Variants in ICA1L observed in about 807,000 individuals in gnomAD.
ICA1L encodes the protein islet cell autoantigen 1-like protein.
A neutral mutation model predicts 61.3 loss-of-function variants in ICA1L; 50 were observed. That is an observed-to-expected ratio of 0.82 (90% CI 0.65 to 1.03). ICA1L has a LOEUF of 1.03. Among genes scored for constraint, ICA1L ranks in the 50% least tolerant of loss-of-function variants. The pLI is 0.00. For synonymous variants in ICA1L, 161 were observed against 191.3 expected, an observed-to-expected ratio of 0.84 and a Z score of 1.31; for missense variants, 508 against 556.7, an observed-to-expected ratio of 0.91 and a Z score of 0.88.
chr2:202,841,283 GC>G, intron 1 of ICA1L: 1 of 740,886 alleles, frequency 1.3e-6, no homozygotes, highest in Middle Eastern at 3.7e-4. Context: ...CTGGCATGTT[GC>G]CAAGCTCTGC....
At position 202,817,440 on chromosome 2, in the gene ICA1L, G is replaced by C; in HGVS notation, c.662C>G (p.Ser221Cys). The C allele has an allele frequency of 6.2e-7, 1 of 1,608,264 alleles. No homozygotes were observed. The highest frequency in any genetic ancestry group is 1.3e-5 in the African/African-American group (1 of 74,762). Reference sequence around the variant, plus strand: ...TACCTGGTAGGTAGTGAGCGAATGAGATAGCATATTGCAGCGACTAGCTCC... The same window carrying C: ...TACCTGGTAGGTAGTGAGCGAATGACATAGCATATTGCAGCGACTAGCTCC... ...LLGASRCNML[S>C]HSLTTYQRTL... The change falls in exon 6 of 13, where the codon TCT becomes TGT. Residue 221 changes from serine to cysteine, a missense_variant. Physicochemically the swap from Ser to Cys is moderately radical, Grantham distance 112. Coordinates refer to ENST00000358299, the MANE Select transcript of ICA1L (RefSeq NM_001288622.3).
chr2:202,862,665 C>T (rs940304657), intron 1 of ICA1L, among the ~76,000 whole-genome samples: 2 of 151,300 alleles, frequency 1.3e-5, no homozygotes, highest in Non-Finnish European at 2.9e-5. Context: ...GGTGAAACCC[C>T]GTCTCTACTA....
chr2:202,799,322 G>A (rs1693027116), intron 9 of ICA1L, among the ~76,000 whole-genome samples: 1 of 152,080 alleles, frequency 6.6e-6, no homozygotes, highest in Admixed American at 6.6e-5. Context: ...TCTGACTAGG[G>A]TAAGCTGATA....
At chr2:202,824,366 C>T (rs1035381955) in intron 3 of ICA1L, among the ~76,000 whole-genome samples, 1 of 151,872 alleles carries the variant, frequency 6.6e-6, no homozygotes, top group Non-Finnish European at 1.5e-5. Context: ...CGCCACTGCA[C>T]TCTAGCCTGG....
At chr2:202,855,576 C>T (rs920301275) in intron 1 of ICA1L, among the ~76,000 whole-genome samples, 1 of 152,114 alleles carries the variant, frequency 6.6e-6, no homozygotes, top group Non-Finnish European at 1.5e-5. Flanking sequence ...CCTCCCAAGG[C>T]TAAACCAGTA....
chr2:202,814,971 C>G (rs2105846413), intron 7 of ICA1L, among the ~76,000 whole-genome samples, 187 bp from the exon 8 acceptor site: 1 of 152,338 alleles, frequency 6.6e-6, no homozygotes, highest in South Asian at 2.1e-4. Context: ...ACACTTGTTT[C>G]TCCTGGCTGC....
chr2:202,841,900 C>G, intron 1 of ICA1L: 1 of 246,736 alleles, frequency 4.1e-6, no homozygotes, highest in Non-Finnish European at 8.0e-6. Context: ...TTCTTGTTGC[C>G]CAGACTGGAG....
intron 10 of ICA1L, among the ~76,000 whole-genome samples, chr2:202,789,457 A>G (rs1347875816): frequency 6.6e-6 from 1 of 152,220 alleles, no homozygotes; most frequent in African/African-American, 2.4e-5. Flanking sequence ...AGATCAAAAG[A>G]GCATAATCAA....
At chr2:202,779,813 T>G (rs560698586) in intron 12 of ICA1L, among the ~76,000 whole-genome samples, 165 bp from the exon 13 acceptor site, 123 of 151,672 alleles carry the variant, frequency 8.1e-4, no homozygotes, top group East Asian at 3.5e-3. Flanking sequence ...TTTTTTTTTT[T>G]TTTTGTTTTC....
At chr2:202,843,818 C>G (rs1035967220) in intron 1 of ICA1L, among the ~76,000 whole-genome samples, 1 of 152,242 alleles carries the variant, frequency 6.6e-6, no homozygotes. Context: ...CAGCCACACA[C>G]AGCAAGAGCT....
intron 1 of ICA1L, among the ~76,000 whole-genome samples, chr2:202,861,238 AT>A (rs1307593321): frequency 3.3e-5 from 5 of 151,768 alleles, no homozygotes; most frequent in East Asian, 1.9e-4. Context: ...AAATAAAAAA[AT>A]AATAAAAATA....
rs2105807041 is a variant in ICA1L at position 202,774,058 on chromosome 2, GTCA to G, written c.*5472_*5474del. The G allele has an allele frequency of 1.0e-6, 1 of 957,752 alleles. No individual in the cohort carries two copies. The highest frequency in any genetic ancestry group is 1.6e-6 in the Non-Finnish European group (1 of 623,730). The allele number at this position is 957,752 out of a possible 1,614,324, so 59.3% of individuals were successfully genotyped here. ...GCTCCACTTCTTGCTTCTTTGATGT[GTCA>G]TCCTAGCTGCCTAATATGATAATAT... is the stretch of plus-strand genomic sequence containing the variant. On this transcript the variant is annotated 3_prime_UTR_variant, in exon 13 of 13. Coordinates refer to ENST00000358299, the MANE Select transcript of ICA1L (RefSeq NM_001288622.3).
rs564449294 is a variant in ICA1L at position 202,811,786 on chromosome 2, T to G, written c.870A>C (p.Leu290=). 1.0e-5 allele frequency: 16 copies of G among 1,599,908 alleles called. No homozygotes were observed. In the East Asian group the frequency reaches 3.6e-4, roughly 36 times the overall value. ...AGCTTGCTTCCTCATCAGACAAAAC[T>G]AGCCTGAAGTAAAAACAAAAAAAAA... is the stretch of plus-strand genomic sequence containing the variant. ...GGFLTEQLNK[L]VLSDEEASFE... Residue 290 remains leucine (L), a synonymous_variant, in exon 9 of 13, where the codon CTA becomes CTC. Transcript: ENST00000358299.
chr2:202,865,533 A>C (rs1346376124), intron 1 of ICA1L, among the ~76,000 whole-genome samples: 2 of 152,098 alleles, frequency 1.3e-5, no homozygotes, highest in Non-Finnish European at 1.5e-5. Flanking sequence ...TTAACTGTGA[A>C]ATAGTGAATA....
chr2:202,815,876 T>A, intron 7 of ICA1L, 35 bp downstream of exon 7: 1 of 1,231,312 alleles, frequency 8.1e-7, no homozygotes, highest in Non-Finnish European at 1.1e-6. Flanking sequence ...TGAAGAGTAA[T>A]ACATCTAAAC....
chr2:202,862,058 C>T (rs1007710068), intron 1 of ICA1L, among the ~76,000 whole-genome samples: 1 of 147,800 alleles, frequency 6.8e-6, no homozygotes, highest in East Asian at 2.0e-4. Flanking sequence ...CTGGAAGATT[C>T]ACCGAAACAG....
chr2:202,840,617 G>A (rs1694300090), intron 1 of ICA1L: 2 of 576,422 alleles, frequency 3.5e-6, no homozygotes, highest in African/African-American at 1.9e-5. Context: ...CCTGTAGATG[G>A]TGATCTTGAT....
At chr2:202,789,996 C>T (rs1265960390) in intron 10 of ICA1L, among the ~76,000 whole-genome samples, 1 of 152,212 alleles carries the variant, frequency 6.6e-6, no homozygotes, top group East Asian at 1.9e-4. Flanking sequence ...CTGCTTTAAC[C>T]CTTACAAGAA....
chr2:202,773,797 A>G lies in ICA1L; in HGVS notation c.*5736T>C. On this transcript the variant is annotated 3_prime_UTR_variant, in exon 13 of 13. Transcript: ENST00000358299. ...ACATACACCGGTATGGTAATAGGCA[A>G]GAGCAGGCTGTAAAAGCAAAGGCTA... 4 of 1,394,182 alleles carry G rather than the reference A, an allele frequency of 2.9e-6. No homozygotes were observed. The highest frequency in any genetic ancestry group is 1.7e-5 in the Admixed American group (1 of 59,326). 86.4% of individuals were successfully genotyped at this position (1,394,182 alleles called of 1,614,324 possible).
Sources: allele counts gnomAD v4.1 joint callset (sites outside exome capture counted in the v4.1 genomes callset), GRCh38; gene constraint gnomAD v4.1.1; transcripts MANE v1.5; gene names NCBI Gene and HGNC (gene_info 2026-07-23, HGNC 2026-07-21).